NDEL1: variants seen among roughly 807,000 people sequenced by gnomAD.
NDEL1 encodes nuclear distribution protein nudE-like 1.
A neutral mutation model predicts 45.7 loss-of-function variants in NDEL1; 9 were observed. That is an observed-to-expected ratio of 0.20 (90% confidence interval 0.12 to 0.34). The LOEUF (loss-of-function observed/expected upper bound fraction) is 0.34. Among genes scored for constraint, NDEL1 ranks in the 10% least tolerant of loss-of-function variants. The pLI is 1.00. For synonymous variants in NDEL1, 133 were observed against 158.6 expected, an observed-to-expected ratio of 0.84 and a Z score of 1.21; for missense variants, 306 against 406.2, an observed-to-expected ratio of 0.75 and a Z score of 2.12.
chr17:8,421,264 C>T (rs1326275818), intron 1 of NDEL1, among the ~76,000 whole-genome samples: 1 of 152,094 alleles, frequency 6.6e-6, no homozygotes, highest in Non-Finnish European at 1.5e-5. Flanking sequence ...GAATAATAGG[C>T]CCCCCAAAAA....
At chr17:8,433,035 A>G (rs901657147), upstream of NDEL1, among the ~76,000 whole-genome samples, 4 of 151,928 alleles carry the variant, frequency 2.6e-5, no homozygotes, top group African/African-American at 9.7e-5. Flanking sequence ...ATCTCTTGGT[A>G]GCCACCGCTT....
At chr17:8,455,986 G>A (rs1252531444) in intron 7 of NDEL1, among the ~76,000 whole-genome samples, 1 of 152,178 alleles carries the variant, frequency 6.6e-6, no homozygotes, top group East Asian at 1.9e-4. Context: ...AGCATTTCTA[G>A]CATTAGCTCC....
At chr17:8,443,193 T>C (rs139342450) in intron 1 of NDEL1, among the ~76,000 whole-genome samples, 1 of 152,314 alleles carries the variant, frequency 6.6e-6, no homozygotes, top group African/African-American at 2.4e-5. Context: ...TGTGCAGGCA[T>C]TGGGCTGAGA....
rs542410911 is a variant in NDEL1 at position 8,463,593 on chromosome 17, T to C, written c.945-3337T>C. Among the ~76,000 whole-genome samples, 19 of 152,336 alleles carry C rather than the reference T, an allele frequency of 1.2e-4. No homozygotes were observed. The South Asian group carries it at 2.1e-3, about 17-fold the overall frequency. ...GGTCCTGGGGTGGCTGGGAGTAGCATGCCAGGTGGCACGCCTGAGATGGGC... is the reference window on the plus strand; with the variant it reads ...GGTCCTGGGGTGGCTGGGAGTAGCACGCCAGGTGGCACGCCTGAGATGGGC... On this transcript the variant is annotated intron_variant, in intron 8 of 8. Coordinates refer to ENST00000334527, the MANE Select transcript of NDEL1 (RefSeq NM_030808.5).
intron 1 of NDEL1, among the ~76,000 whole-genome samples, chr17:8,441,826 A>G (rs780749101): frequency 6.6e-6 from 1 of 152,032 alleles, no homozygotes; most frequent in Non-Finnish European, 1.5e-5. Flanking sequence ...CCTGCATCCC[A>G]TGCTGTCCAG....
intron 5 of NDEL1, among the ~76,000 whole-genome samples, chr17:8,449,875 A>C (rs1216166618): frequency 6.6e-6 from 1 of 152,234 alleles, no homozygotes; most frequent in Non-Finnish European, 1.5e-5. Context: ...CCTGTTTTGA[A>C]TTCTTTTGGA....
At chr17:8,441,048 C>T (rs1042506730) in intron 1 of NDEL1, among the ~76,000 whole-genome samples, 1 of 152,040 alleles carries the variant, frequency 6.6e-6, no homozygotes, top group Admixed American at 6.6e-5. Flanking sequence ...ATAATGATAC[C>T]GGTTCATGGG....
At chr17:8,422,706 G>A (rs988050486) in intron 1 of NDEL1, among the ~76,000 whole-genome samples, 1 of 151,584 alleles carries the variant, frequency 6.6e-6, no homozygotes, top group African/African-American at 2.4e-5. Flanking sequence ...CCATGTAAAG[G>A]CCATAAAACC....
upstream of NDEL1, among the ~76,000 whole-genome samples, chr17:8,432,353 A>ATATATATATATTAT (rs1567722399): frequency 1.7e-4 from 1 of 5,872 alleles, no homozygotes; most frequent in Non-Finnish European, 1.1e-3. Flanking sequence ...TATAAATATA[A>ATATATATATATTAT]ATATAAATAT....
At chr17:8,472,732 G>C (rs79195563), downstream of NDEL1, among the ~76,000 whole-genome samples, 4 of 110,166 alleles carry the variant, frequency 3.6e-5, no homozygotes, top group Non-Finnish European at 7.6e-5. Context: ...CTGCATTAAA[G>C]AAAATAAATA....
chr17:8,445,140 CATAGAATA>C (rs1909998614), intron 2 of NDEL1: 1 of 151,720 alleles, frequency 6.6e-6, no homozygotes, highest in African/African-American at 2.4e-5. Context: ...TTTTTAAATG[CATAGAATA>C]ATAGAATTAC....
At chr17:8,430,047 G>A (rs1268970695) in intron 1 of NDEL1, among the ~76,000 whole-genome samples, 1 of 152,130 alleles carries the variant, frequency 6.6e-6, no homozygotes, top group African/African-American at 2.4e-5. Flanking sequence ...AAGCTGGGGA[G>A]GGAAATGATT....
At chr17:8,420,816 T>C (rs1038771767) in intron 1 of NDEL1, among the ~76,000 whole-genome samples, 1 of 152,258 alleles carries the variant, frequency 6.6e-6, no homozygotes, top group Non-Finnish European at 1.5e-5. Flanking sequence ...AAGGAAAAGC[T>C]GACGTACTTT....
downstream of NDEL1, among the ~76,000 whole-genome samples, chr17:8,468,634 C>G (rs990237672): frequency 6.6e-6 from 1 of 152,234 alleles, no homozygotes; most frequent in African/African-American, 2.4e-5. Flanking sequence ...CATTGAAGAA[C>G]GCGTAAACTG....
downstream of NDEL1, among the ~76,000 whole-genome samples, chr17:8,468,780 C>T (rs190462795): frequency 2.4e-3 from 368 of 152,294 alleles, 3 homozygotes; most frequent in South Asian, 6.0e-3. Flanking sequence ...CCGAGGTGGG[C>T]GGATCACAAG....
chr17:8,461,102 C>CA (rs1324605016), intron 8 of NDEL1: 2 of 152,138 alleles, frequency 1.3e-5, no homozygotes, highest in Non-Finnish European at 2.9e-5. Context: ...TGCTTTGAGT[C>CA]AAAGAGGTAA....
chr17:8,426,145 A>T (rs1377152004), intron 1 of NDEL1, among the ~76,000 whole-genome samples: 1 of 152,048 alleles, frequency 6.6e-6, no homozygotes, highest in Admixed American at 6.6e-5. Flanking sequence ...TTTCATTTTT[A>T]GAAAATCTCC....
rs1567721173 is a variant in NDEL1 at position 8,428,328 on chromosome 17, GTGTGTGTGTGT to G, written c.-13+15060_-13+15070del. Among the ~76,000 whole-genome samples, 30 of 130,568 alleles carry G rather than the reference GTGTGTGTGTGT, an allele frequency of 2.3e-4. 3 individuals are homozygous for G. Among genetic ancestry groups the G allele is most frequent in the South Asian group, 4.8e-4 (2 of 4,196 alleles). 85.7% of individuals were successfully genotyped at this position (130,568 alleles called of 152,430 possible). A position where few individuals can be genotyped will look rare whatever the true frequency, so the allele number is the denominator to read the frequency against. On this transcript the variant is annotated intron_variant, in intron 1 of 4. Transcript: ENST00000582812. ...CTCAAGGCTCAAGTGTGTGTGGTGT[GTGTGTGTGTGT>G]GTGTGTGTGTGTGTGTGTGTGTATT...
Position 8,461,636 on chromosome 17 carries a change from C to T in NDEL1, c.944+1476C>T, listed in dbSNP as rs529658705. On this transcript the variant is annotated intron_variant, in intron 8 of 8. Transcript: ENST00000334527. ...GGCTTAGGAGTTTCAGGCAGACTTG[C>T]GGCAGCCCTTGTTTTTATAGTGGAA... is the stretch of plus-strand genomic sequence containing the variant. Among the ~76,000 whole-genome samples, 19 of 152,230 alleles carry T rather than the reference C, an allele frequency of 1.2e-4. No homozygotes were observed. In the South Asian group the frequency reaches 2.5e-3, roughly 20 times the overall value.
Sources: allele counts gnomAD v4.1 joint callset (sites outside exome capture counted in the v4.1 genomes callset), GRCh38; gene constraint gnomAD v4.1.1; transcripts MANE v1.5; gene names NCBI Gene and HGNC (gene_info 2026-07-23, HGNC 2026-07-21).